The following FOXP2 variants were observed in gnomAD, a reference collection of about 807,000 sequenced individuals.
The protein encoded by FOXP2 is forkhead box protein P2.
A neutral mutation model predicts 115.8 loss-of-function variants in FOXP2; 12 were observed. That is an observed-to-expected ratio of 0.10 (90% CI 0.07 to 0.17). The LOEUF is 0.17. Among genes scored for constraint, FOXP2 ranks in the 10% least tolerant of loss-of-function variants. The pLI, the probability that FOXP2 is intolerant of heterozygous loss-of-function variation, is 1.00. For missense variants in FOXP2, 629 were observed against 843.5 expected, an observed-to-expected ratio of 0.75 and a Z score of 3.15; for synonymous variants, 328 against 297.7, an observed-to-expected ratio of 1.10 and a Z score of -1.05.
At chr7:114,231,021 G>A (rs1794861844) in intron 1 of FOXP2, among the ~76,000 whole-genome samples, 1 of 149,602 alleles carries the variant, frequency 6.7e-6, no homozygotes, top group Non-Finnish European at 1.5e-5. Flanking sequence ...CCCATTAGAA[G>A]CAATAAATGA....
chr7:114,381,190 A>T (rs1792282880), intron 2 of FOXP2, among the ~76,000 whole-genome samples: 1 of 152,210 alleles, frequency 6.6e-6, no homozygotes, highest in Non-Finnish European at 1.5e-5. Context: ...GGATGAGGAT[A>T]AGCCAGTATA....
At chr7:114,625,166 GA>G (rs1208254995) in intron 3 of FOXP2, among the ~76,000 whole-genome samples, 9 of 151,418 alleles carry the variant, frequency 5.9e-5, no homozygotes, top group Non-Finnish European at 1.0e-4. Flanking sequence ...TACCAAGAGA[GA>G]AAAAAATCTC....
At chr7:114,547,065 T>C (rs930789671) in intron 3 of FOXP2, among the ~76,000 whole-genome samples, 2 of 152,216 alleles carry the variant, frequency 1.3e-5, no homozygotes, top group African/African-American at 4.8e-5. Flanking sequence ...TAGAAGCAGA[T>C]ATGAATATCA....
chr7:114,418,572 G>A (rs1210405793), intron 1 of FOXP2, among the ~76,000 whole-genome samples: 2 of 151,688 alleles, frequency 1.3e-5, no homozygotes, highest in Admixed American at 1.3e-4. Context: ...AAGAGAAAAG[G>A]AAACTCACAG....
intron 13 of FOXP2, among the ~76,000 whole-genome samples, chr7:114,660,934 G>A (rs551334623): frequency 4.0e-5 from 6 of 151,890 alleles, no homozygotes; most frequent in South Asian, 2.1e-4. Context: ...TAACTATATC[G>A]CATGCATAAT....
intron 2 of FOXP2, among the ~76,000 whole-genome samples, chr7:114,459,370 A>G (rs1282117331): frequency 6.6e-6 from 1 of 152,234 alleles, no homozygotes; most frequent in East Asian, 1.9e-4. Context: ...TGACGATGGT[A>G]TGCTTTTTCA....
chr7:114,663,625 G>T, intron 15 of FOXP2, 106 bp downstream of exon 15: 1 of 884,796 alleles, frequency 1.1e-6, no homozygotes, highest in Non-Finnish European at 1.8e-6. Context: ...TTAATAGTTG[G>T]TTTATCATCC....
At chr7:114,298,419 G>A (rs1247671284) in intron 2 of FOXP2, among the ~76,000 whole-genome samples, 1 of 152,082 alleles carries the variant, frequency 6.6e-6, no homozygotes, top group Admixed American at 6.5e-5. Flanking sequence ...TCAGCACGCT[G>A]AGCTTCAAAT....
intron 10 of FOXP2, among the ~76,000 whole-genome samples, chr7:114,655,468 T>A (rs1474839924): frequency 2.0e-5 from 3 of 152,110 alleles, no homozygotes; most frequent in African/African-American, 7.2e-5. Flanking sequence ...TAATACAGAA[T>A]CTTAGATGAG....
At chr7:114,650,750 A>C (rs1361148465) in intron 8 of FOXP2, among the ~76,000 whole-genome samples, 2 of 151,684 alleles carry the variant, frequency 1.3e-5, no homozygotes, top group Non-Finnish European at 2.9e-5. Context: ...CCTCCCCTGC[A>C]CTCCAGCCAC....
In FOXP2 at chr7:114,171,767, C is replaced by G. The variant is rs527760589; in HGVS notation, c.-102+8679C>G. 9.2e-5 allele frequency among the ~76,000 whole-genome samples: 14 copies of G among 152,174 alleles called. No individual in the cohort carries two copies. The South Asian group carries it at 2.3e-3, about 25-fold the overall frequency. Reference sequence around the variant, plus strand: ...TGTACCTGCTATAGGTAGTAGATTCCTCTGATGGAACTGGGCAAAGTCAAT... The same window carrying G: ...TGTACCTGCTATAGGTAGTAGATTCGTCTGATGGAACTGGGCAAAGTCAAT... On this transcript the variant is annotated intron_variant, in intron 1 of 17. Coordinates refer to the FOXP2 transcript ENST00000634411.
chr7:114,289,615 G>C (rs1293118247), intron 2 of FOXP2, among the ~76,000 whole-genome samples: 1 of 151,842 alleles, frequency 6.6e-6, no homozygotes, highest in Non-Finnish European at 1.5e-5. Flanking sequence ...AACCAGGAAA[G>C]AATGAATCAT....
At chr7:114,174,082 T>C (rs1372006527) in intron 1 of FOXP2, among the ~76,000 whole-genome samples, 1 of 151,986 alleles carries the variant, frequency 6.6e-6, no homozygotes, top group Non-Finnish European at 1.5e-5. Context: ...GGCACTTACT[T>C]GATGGTAGTA....
At chr7:114,328,081 T>C (rs1454656912) in intron 2 of FOXP2, among the ~76,000 whole-genome samples, 2 of 150,584 alleles carry the variant, frequency 1.3e-5, no homozygotes, top group Non-Finnish European at 3.0e-5. Context: ...CCACCATATT[T>C]GGCTAATTTT....
intron 2 of FOXP2, among the ~76,000 whole-genome samples, chr7:114,294,019 G>A (rs570208907): frequency 2.6e-5 from 4 of 152,170 alleles, no homozygotes; most frequent in African/African-American, 9.6e-5. Context: ...TTGACTTTGA[G>A]GGGAATATAA....
intron 2 of FOXP2, among the ~76,000 whole-genome samples, chr7:114,466,266 T>G (rs1795794818): frequency 6.6e-6 from 1 of 152,208 alleles, no homozygotes; most frequent in Non-Finnish European, 1.5e-5. Flanking sequence ...TATTCCATGC[T>G]CTTGCCTCTT....
chr7:114,518,719 T>A (rs997106121), intron 2 of FOXP2, among the ~76,000 whole-genome samples: 1 of 152,174 alleles, frequency 6.6e-6, no homozygotes, highest in Non-Finnish European at 1.5e-5. Context: ...TTGGCCAAGC[T>A]GGTCTTGAAC....
chr7:114,257,566 GC>G (rs1795652263), intron 1 of FOXP2, among the ~76,000 whole-genome samples: 1 of 147,750 alleles, frequency 6.8e-6, no homozygotes, highest in Non-Finnish European at 1.5e-5. Flanking sequence ...CGATTCTCCT[GC>G]CTCAGCCTCC....
At chr7:114,536,507 G>A (rs528540313) in intron 3 of FOXP2, among the ~76,000 whole-genome samples, 1 of 149,976 alleles carries the variant, frequency 6.7e-6, no homozygotes, top group African/African-American at 2.4e-5. Flanking sequence ...ATAGAATGTG[G>A]GAATATTAAT....
Sources: allele counts gnomAD v4.1 joint callset (sites outside exome capture counted in the v4.1 genomes callset), GRCh38; gene constraint gnomAD v4.1.1; transcripts MANE v1.5; gene names NCBI Gene and HGNC (gene_info 2026-07-23, HGNC 2026-07-21).